Variants in TENT5A observed in about 807,000 individuals in gnomAD.
TENT5A encodes the protein HBV X-transactivated gene 11 protein.
In TENT5A, 9 loss-of-function variants were observed where a neutral mutation model predicts 30.2. The observed-to-expected ratio is 0.30, with a 90% CI of 0.18 to 0.52. The LOEUF is 0.52. Among genes scored for constraint, TENT5A ranks in the 20% least tolerant of loss-of-function variants. The pLI is 0.97. For missense variants in TENT5A, 411 were observed against 566.1 expected (o/e 0.73, Z 2.78); for synonymous variants, 264 against 234.2 (o/e 1.13, Z -1.16).
At position 81,752,108 on chromosome 6, in the gene TENT5A, C is replaced by T. The variant is rs1415597104; in HGVS notation, c.34G>A (p.Glu12Lys). The T allele has an allele frequency of 6.6e-7, 1 of 1,511,878 alleles. No homozygotes were observed. The highest frequency in any genetic ancestry group is 8.9e-7 in the Non-Finnish European group (1 of 1,127,614). The allele number at this position is 1,511,878 out of a possible 1,614,324, so 93.7% of individuals were successfully genotyped here. The change falls in exon 2 of 3, where the codon GAG (glutamate) becomes AAG (lysine). Residue 12 changes from glutamate (E) to lysine (K), a missense_variant. By Grantham distance (56) the Glu-to-Lys change is moderately conservative (BLOSUM62 1). This residue lies in a region of TENT5A where 34 missense variants were observed against 29.3 expected (regional missense o/e 1.16). Transcript: ENST00000320172. Reference sequence around the variant, plus strand: ...TAGGGGCTGCAGGCCAGCTCGTCCTCAGACATGGCGAAGTACCCTTCACCC... The same window carrying T: ...TAGGGGCTGCAGGCCAGCTCGTCCTTAGACATGGCGAAGTACCCTTCACCC... The part of the protein sequence containing the change: ...AEGEGYFAMS[E>K]DELACSPYIP...
chr6:81,746,408 A>C lies in TENT5A; in HGVS notation c.*3287T>G, dbSNP rs1186142994. The C allele has an allele frequency of 2.4e-6, 3 of 1,230,652 alleles. No homozygotes were observed. The highest frequency in any genetic ancestry group is 4.2e-5 in the Admixed American group (1 of 23,664). The allele number at this position is 1,230,652 out of a possible 1,614,324, so 76.2% of individuals were successfully genotyped here. On this transcript the variant is annotated 3_prime_UTR_variant, in exon 3 of 3. Transcript: ENST00000320172. ...AAGGGGTGGTAAAAACAGTACGTTC[A>C]CTTTTCATTTCCTTCCTTGGTTTGG...
rs1768923782 is a variant in TENT5A, at chr6:81,748,163, A to G, written c.*1532T>C. ...AGAATGCATTCATTAAAATTCATTT[A>G]AACATTAGCAAGTAGTGTTTAGATC... On this transcript the variant is annotated 3_prime_UTR_variant, in exon 3 of 3. Coordinates refer to ENST00000320172, the MANE Select transcript of TENT5A (RefSeq NM_017633.3). 11 of 985,202 alleles carry G rather than the reference A, an allele frequency of 1.1e-5. 1 individual carries two copies. In the African/African-American group the frequency reaches 1.4e-4, roughly 13 times the overall value. The allele number at this position is 985,202 out of a possible 1,614,324, so 61.0% of individuals were successfully genotyped here.
chr6:81,748,148 C>G lies in TENT5A; in HGVS notation c.*1547G>C. ...GTGGTCCAGAAATGCAGAATGCATTCATTAAAATTCATTTAAACATTAGCA... is the reference window on the plus strand; with the variant it reads ...GTGGTCCAGAAATGCAGAATGCATTGATTAAAATTCATTTAAACATTAGCA... On this transcript the variant is annotated 3_prime_UTR_variant, in exon 3 of 3. Coordinates refer to ENST00000320172, the MANE Select transcript of TENT5A (RefSeq NM_017633.3). 1 of 984,832 alleles carries G rather than the reference C, an allele frequency of 1.0e-6. No homozygotes were observed. The highest frequency in any genetic ancestry group is 1.2e-6 in the Non-Finnish European group (1 of 829,284). The allele number at this position is 984,832 out of a possible 1,614,324, so 61.0% of individuals were successfully genotyped here.
intron 1 of TENT5A, 81 bp from the exon 2 acceptor site, chr6:81,752,259 A>C: frequency 6.8e-7 from 1 of 1,479,396 alleles, no homozygotes; most frequent in Non-Finnish European, 8.9e-7. Flanking sequence ...GAGGCCCGCC[A>C]GGAAAAGAGC....
rs1256272775 is a variant in TENT5A, at chr6:81,747,629, C to CGTG, written c.*2063_*2065dup. On this transcript the variant is annotated 3_prime_UTR_variant, in exon 3 of 3. Transcript: ENST00000320172. Reference sequence around the variant, plus strand: ...CCAACAGGAGGATATTTTTTTCTCCCGTGGTCTCTCTTTAACTGATGATGA... The same window carrying CGTG: ...CCAACAGGAGGATATTTTTTTCTCCCGTGGTGGTCTCTCTTTAACTGATGATGA... 1.5e-5 allele frequency: 15 copies of CGTG among 985,522 alleles called. No homozygotes were observed. The highest frequency in any genetic ancestry group is 1.8e-5 in the Non-Finnish European group (15 of 829,832). 61.0% of individuals were successfully genotyped at this position (985,522 alleles called of 1,614,324 possible).
In TENT5A at chr6:81,750,430, A is replaced by G. The variant is rs370217465; in HGVS notation, c.594T>C (p.Ser198=). The G allele has an allele frequency of 1.9e-6, 3 of 1,589,712 alleles. No individual in the cohort carries two copies. Among genetic ancestry groups the G allele is most frequent in the African/African-American group, 1.4e-5 (1 of 73,742 alleles). ...VQKMVKVCND[S]DRWSLISLSN... ...ACAGGGATATAAGACTCCATCGGTC[A>G]GAGTCATTGCACACTTTAACCATTT... The change falls in exon 3 of 3, where the codon TCT becomes TCC. Residue 198 remains serine, a synonymous_variant. Transcript: ENST00000320172. The surrounding 1 kb of genome is among the most constrained non-coding windows in gnomAD (Gnocchi z 4.2).
At position 81,749,538 on chromosome 6, in the gene TENT5A, T is replaced by C; in HGVS notation, c.*157A>G. The C allele has an allele frequency of 1.4e-6, 2 of 1,399,558 alleles. No homozygotes were observed. Among genetic ancestry groups the C allele is most frequent in the Non-Finnish European group, 1.8e-6 (2 of 1,081,564 alleles). 86.7% of individuals were successfully genotyped at this position (1,399,558 alleles called of 1,614,324 possible). On this transcript the variant is annotated 3_prime_UTR_variant, in exon 3 of 3. Transcript: ENST00000320172. ...TCATGCTCCCACATCTATTAAAAGA[T>C]ACATAAGCTTTGCCAAACTTAAAAC...
In TENT5A at chr6:81,748,544, CAT is replaced by C; in HGVS notation, c.*1149_*1150del. The C allele has an allele frequency of 1.0e-6, 1 of 982,274 alleles. No individual in the cohort carries two copies. Among genetic ancestry groups the C allele is most frequent in the Non-Finnish European group, 1.2e-6 (1 of 827,400 alleles). The allele number at this position is 982,274 out of a possible 1,614,324, so 60.8% of individuals were successfully genotyped here. A position where few individuals can be genotyped will look rare whatever the true frequency, so the allele number is the denominator to read the frequency against. ...ACGTCTCATGTTATCCTGTTGAAAA[CAT>C]AAAAACACACAGTATTTAAACATTT... On this transcript the variant is annotated 3_prime_UTR_variant, in exon 3 of 3. Transcript: ENST00000320172.
rs199796173 is a variant in TENT5A at position 81,751,985 on chromosome 6, A to G, written c.157T>C (p.Leu53=). ...GCCGTAGGGCTTTCGCAATAGTCCA[A>G]GCAATGCCCACCGAAGCTGCCGCCA... is the stretch of plus-strand genomic sequence containing the variant. ...GGGGSFGGHC[L]DYCESPTAHC... The change falls in exon 2 of 3, where the codon TTG becomes CTG. Residue 53 remains leucine (L), a synonymous_variant. Transcript: ENST00000320172. The G allele has an allele frequency of 7.1e-6, 11 of 1,553,836 alleles. No homozygotes were observed. In the Admixed American group the frequency reaches 8.9e-5, roughly 13 times the overall value.
At position 81,747,428 on chromosome 6, in the gene TENT5A, A is replaced by AGTG; in HGVS notation, c.*2266_*2267insCAC. The AGTG allele has an allele frequency of 1.0e-6, 1 of 985,884 alleles. No individual in the cohort carries two copies. The highest frequency in any genetic ancestry group is 1.7e-5 in the African/African-American group (1 of 57,364). The allele number at this position is 985,884 out of a possible 1,614,324, so 61.1% of individuals were successfully genotyped here. A position where few individuals can be genotyped will look rare whatever the true frequency, so the allele number is the denominator to read the frequency against. ...TCCTTAGAAAACTGAGTGGCAGTGCAGCGGCTGTTGCAGCTCTGACAGAAT... is the reference window on the plus strand; with the variant it reads ...TCCTTAGAAAACTGAGTGGCAGTGCAGTGGCGGCTGTTGCAGCTCTGACAGAAT... On this transcript the variant is annotated 3_prime_UTR_variant, in exon 3 of 3. Coordinates refer to ENST00000320172, the MANE Select transcript of TENT5A (RefSeq NM_017633.3).
Position 81,746,180 on chromosome 6 carries a change from C to T in TENT5A, c.*3515G>A, listed in dbSNP as rs1420146969. 3.9e-5 allele frequency: 40 copies of T among 1,030,750 alleles called. No individual in the cohort carries two copies. Among genetic ancestry groups the T allele is most frequent in the East Asian group, 7.7e-5 (1 of 12,904 alleles). The allele number at this position is 1,030,750 out of a possible 1,614,324, so 63.9% of individuals were successfully genotyped here. ...AAGAAAGATTATATTCAAATAGATGCTATATATGAAATTACTTTTTTTGGC... is the reference window on the plus strand; with the variant it reads ...AAGAAAGATTATATTCAAATAGATGTTATATATGAAATTACTTTTTTTGGC... On this transcript the variant is annotated 3_prime_UTR_variant, in exon 3 of 3. Transcript: ENST00000320172.
rs1479048204 is a variant in TENT5A at position 81,752,516 on chromosome 6, C to G, written c.-123G>C. 2 of 1,406,668 alleles carry G rather than the reference C, an allele frequency of 1.4e-6. No homozygotes were observed. Among genetic ancestry groups the G allele is most frequent in the African/African-American group, 2.8e-5 (2 of 70,204 alleles). The allele number at this position is 1,406,668 out of a possible 1,614,324, so 87.1% of individuals were successfully genotyped here. A position where few individuals can be genotyped will look rare whatever the true frequency, so the allele number is the denominator to read the frequency against. On this transcript the variant is annotated 5_prime_UTR_variant, in exon 1 of 3. Transcript: ENST00000320172. ...CACTTCCAGGAGCTGCGAGCGCGCT[C>G]AGACAGCAAATAGCGACTTCGTCTT... is the stretch of plus-strand genomic sequence containing the variant.
In TENT5A at chr6:81,751,818, C is replaced by T. The variant is rs1769041370; in HGVS notation, c.324G>A (p.Leu108=). Residue 108 remains leucine, a synonymous_variant, in exon 2 of 3, where the codon CTG becomes CTA. Coordinates refer to ENST00000320172, the MANE Select transcript of TENT5A (RefSeq NM_017633.3). The part of the protein sequence containing the change: ...SLIVKVVRRR[L]AEKRIGVRDV... ...CGCGGACGCCAATGCGCTTCTCGGC[C>T]AGGCGCCGCCGCACCACCTTCACGA... 1 of 1,612,548 alleles carries T rather than the reference C, an allele frequency of 6.2e-7. No individual in the cohort carries two copies. The highest frequency in any genetic ancestry group is 1.3e-5 in the African/African-American group (1 of 74,930).
rs1190652402 is a variant in TENT5A, at chr6:81,746,287, A to G, written c.*3408T>C. On this transcript the variant is annotated 3_prime_UTR_variant, in exon 3 of 3. Transcript: ENST00000320172. ...GAACTGACAGCTTTCAACATAATAC[A>G]TTTCATTTACAAAATAGTTCACAAT... 4.2e-6 allele frequency: 5 copies of G among 1,203,910 alleles called. No individual in the cohort carries two copies. Among genetic ancestry groups the G allele is most frequent in the African/African-American group, 1.6e-5 (1 of 63,976 alleles). The allele number at this position is 1,203,910 out of a possible 1,614,324, so 74.6% of individuals were successfully genotyped here.
In TENT5A at chr6:81,747,255, C is replaced by T; in HGVS notation, c.*2440G>A. ...AGTTTTCTTTCAGAAAACTTTGAAA[C>T]AACTAAGCAGGCGGAGCTCTGGTTT... On this transcript the variant is annotated 3_prime_UTR_variant, in exon 3 of 3. Transcript: ENST00000320172. The T allele has an allele frequency of 1.0e-6, 1 of 985,696 alleles. No homozygotes were observed. Among genetic ancestry groups the T allele is most frequent in the Non-Finnish European group, 1.2e-6 (1 of 829,922 alleles). The allele number at this position is 985,696 out of a possible 1,614,324, so 61.1% of individuals were successfully genotyped here.
chr6:81,752,151 G>A lies in TENT5A; in HGVS notation c.-10C>T, dbSNP rs1301556894. 11 of 1,536,912 alleles carry A rather than the reference G, an allele frequency of 7.2e-6. No individual in the cohort carries two copies. Among genetic ancestry groups the A allele is most frequent in the Non-Finnish European group, 9.6e-6 (11 of 1,140,342 alleles). ...CTTCACCCTCCGCCATGTAGTGCCC[G>A]CCGAGCGCCACTTGGCCCTGGTCAG... is the stretch of plus-strand genomic sequence containing the variant. On this transcript the variant is annotated 5_prime_UTR_variant, in exon 2 of 3. Coordinates refer to ENST00000320172, the MANE Select transcript of TENT5A (RefSeq NM_017633.3).
rs1768908987 is a variant in TENT5A at position 81,747,409 on chromosome 6, G to GAAAGA, written c.*2285_*2286insTCTTT. ...AGATGGTAGTAGGAGGAGTTCCTTA[G>GAAAGA]AAAACTGAGTGGCAGTGCAGCGGCT... On this transcript the variant is annotated 3_prime_UTR_variant, in exon 3 of 3. Coordinates refer to ENST00000320172, the MANE Select transcript of TENT5A (RefSeq NM_017633.3). The GAAAGA allele has an allele frequency of 2.0e-6, 2 of 985,720 alleles. No homozygotes were observed. The allele number at this position is 985,720 out of a possible 1,614,324, so 61.1% of individuals were successfully genotyped here.
chr6:81,747,467 G>C lies in TENT5A; in HGVS notation c.*2228C>G. ...CTCTGACAGAATTCACAAGGAAGCT[G>C]CTACAGCAAACCCATCAGGTTCCCA... On this transcript the variant is annotated 3_prime_UTR_variant, in exon 3 of 3. Transcript: ENST00000320172. 5.1e-6 allele frequency: 5 copies of C among 985,846 alleles called. No individual in the cohort carries two copies. The highest frequency in any genetic ancestry group is 6.0e-6 in the Non-Finnish European group (5 of 829,938). 61.1% of individuals were successfully genotyped at this position (985,846 alleles called of 1,614,324 possible).
chr6:81,746,082 G>C lies in TENT5A; in HGVS notation c.*3613C>G. On this transcript the variant is annotated 3_prime_UTR_variant, in exon 3 of 3. Coordinates refer to ENST00000320172, the MANE Select transcript of TENT5A (RefSeq NM_017633.3). ...ACTTTACCATTTGCTTTGTTAGAAA[G>C]CCATTATTTTAACAAAATATAACAT... is the stretch of plus-strand genomic sequence containing the variant. The C allele has an allele frequency of 1.0e-6, 1 of 984,456 alleles. No individual in the cohort carries two copies. Among genetic ancestry groups the C allele is most frequent in the Non-Finnish European group, 1.2e-6 (1 of 828,626 alleles). 61.0% of individuals were successfully genotyped at this position (984,456 alleles called of 1,614,324 possible).
Sources: allele counts gnomAD v4.1 joint callset, GRCh38; gene constraint gnomAD v4.1.1; regional missense constraint gnomAD v4.1.1; non-coding constraint Gnocchi (gnomAD v3.1); transcripts MANE v1.5; gene names NCBI Gene and HGNC (gene_info 2026-07-23, HGNC 2026-07-21).